The following CDC14A variants were observed in gnomAD, a reference collection of about 807,000 sequenced individuals.
CDC14A encodes the protein dual specificity protein phosphatase CDC14A.
In CDC14A, 53 loss-of-function variants were observed where a neutral mutation model predicts 74.4. The observed-to-expected ratio is 0.71, with a 90% CI of 0.57 to 0.89. CDC14A has a LOEUF of 0.89. Among genes scored for constraint, CDC14A ranks in the 40% least tolerant of loss-of-function variants. The probability of loss-of-function intolerance (pLI) is 0.00; values close to 1 mark genes in which losing one functional copy is unlikely to be tolerated. For missense variants in CDC14A, 646 were observed against 713.7 expected, an observed-to-expected ratio of 0.91 and a Z score of 1.08; for synonymous variants, 247 against 258.4, an observed-to-expected ratio of 0.96 and a Z score of 0.43.
At chr1:100,362,286 G>T (rs1652860857) in intron 2 of CDC14A, among the ~76,000 whole-genome samples, 1 of 151,826 alleles carries the variant, frequency 6.6e-6, no homozygotes, top group Non-Finnish European at 1.5e-5. Flanking sequence ...ATACTGAATT[G>T]TGAAATTCAT....
intron 3 of CDC14A, among the ~76,000 whole-genome samples, chr1:100,379,374 G>C (rs1285695402): frequency 6.6e-6 from 1 of 152,150 alleles, no homozygotes; most frequent in Non-Finnish European, 1.5e-5. Context: ...GTAATCTGTT[G>C]GTTGTCTGGA....
In CDC14A at chr1:100,499,162, G is replaced by GC. The variant is rs1648375091; in HGVS notation, c.1660dup (p.His554ProfsTer37). ...GGGGGCAACCTGAACAGCCCCCCAGGCCCCCACAGCGCCAAGACAGAGGAG... is the reference window on the plus strand; with the variant it reads ...GGGGGCAACCTGAACAGCCCCCCAGGCCCCCCACAGCGCCAAGACAGAGGAG... On this transcript the variant is annotated frameshift_variant, in exon 15 of 16. Coordinates refer to ENST00000336454, the MANE Select transcript of CDC14A (RefSeq NM_003672.4). LOFTEE classifies it high-confidence loss of function. The GC allele has an allele frequency of 1.2e-6, 2 of 1,614,076 alleles. No individual in the cohort carries two copies. Among genetic ancestry groups the GC allele is most frequent in the Non-Finnish European group, 1.7e-6 (2 of 1,180,018 alleles).
chr1:100,490,799 A>T (rs1484165819), intron 11 of CDC14A, among the ~76,000 whole-genome samples: 1 of 152,238 alleles, frequency 6.6e-6, no homozygotes, highest in Non-Finnish European at 1.5e-5. Flanking sequence ...AACATAAAAA[A>T]ATTCTACTTC....
intron 10 of CDC14A, among the ~76,000 whole-genome samples, chr1:100,482,056 T>C (rs1669538850): frequency 1.3e-5 from 2 of 152,206 alleles, no homozygotes; most frequent in Admixed American, 6.5e-5. Flanking sequence ...TCTTTAATAT[T>C]CAGGTTCAAA....
chr1:100,488,464 C>G (rs1273923402), intron 11 of CDC14A, among the ~76,000 whole-genome samples: 1 of 152,216 alleles, frequency 6.6e-6, no homozygotes, highest in Non-Finnish European at 1.5e-5. Context: ...TCTGCTAACT[C>G]TCTATGAGGT....
intron 9 of CDC14A, 44 bp downstream of exon 9, chr1:100,462,925 G>C: frequency 6.9e-7 from 1 of 1,444,582 alleles, no homozygotes; most frequent in Non-Finnish European, 9.7e-7. Flanking sequence ...TTATCGAAGG[G>C]GCGGGCCAAG....
chr1:100,454,691 A>T (rs1160768899), intron 7 of CDC14A, among the ~76,000 whole-genome samples: 1 of 152,202 alleles, frequency 6.6e-6, no homozygotes, highest in African/African-American at 2.4e-5. Context: ...AACCTAATTT[A>T]AAAAGTCAAC....
chr1:100,422,171 C>A (rs1662439379), intron 4 of CDC14A, among the ~76,000 whole-genome samples: 1 of 152,184 alleles, frequency 6.6e-6, no homozygotes, highest in Non-Finnish European at 1.5e-5. Context: ...AGTGTGAGAA[C>A]ATGGGCCATG....
chr1:100,479,448 T>C (rs531323792), intron 10 of CDC14A, among the ~76,000 whole-genome samples: 8 of 152,158 alleles, frequency 5.3e-5, no homozygotes, highest in Non-Finnish European at 8.8e-5. Flanking sequence ...TCTGTGAGTC[T>C]CCATAGTCCG....
intron 4 of CDC14A, among the ~76,000 whole-genome samples, chr1:100,409,905 CA>C (rs1660448008): frequency 1.3e-5 from 2 of 152,168 alleles, no homozygotes; most frequent in Admixed American, 1.3e-4. Context: ...ATATTCCCTT[CA>C]AAAATGTCTG....
intron 4 of CDC14A, among the ~76,000 whole-genome samples, chr1:100,422,361 A>G (rs955792256): frequency 1.3e-5 from 2 of 152,202 alleles, no homozygotes; most frequent in African/African-American, 4.8e-5. Context: ...GTTGTTGTCT[A>G]AGCTTTAATT....
chr1:100,370,832 TA>T (rs1256241153), intron 2 of CDC14A, among the ~76,000 whole-genome samples: 1 of 152,204 alleles, frequency 6.6e-6, no homozygotes, highest in Non-Finnish European at 1.5e-5. Flanking sequence ...GTTTTTTTTC[TA>T]ATTCTGTGAA....
intron 15 of CDC14A, among the ~76,000 whole-genome samples, chr1:100,507,614 G>T (rs1470696155): frequency 6.6e-6 from 1 of 150,764 alleles, no homozygotes; most frequent in Non-Finnish European, 1.5e-5. Flanking sequence ...TATCTTTTTG[G>T]ATATTGCTTT....
intron 15 of CDC14A, chr1:100,504,910 T>A: frequency 6.5e-7 from 1 of 1,529,450 alleles, no homozygotes; most frequent in South Asian, 1.2e-5. Flanking sequence ...ATATATTACC[T>A]CCCATGTCTT....
At chr1:100,475,434 C>CA (rs1401474230) in intron 10 of CDC14A, among the ~76,000 whole-genome samples, 6 of 152,116 alleles carry the variant, frequency 3.9e-5, no homozygotes, top group African/African-American at 1.4e-4. Flanking sequence ...CAGTCAATGT[C>CA]AATGTGAGAA....
At chr1:100,390,154 G>A (rs1329311980) in intron 3 of CDC14A, among the ~76,000 whole-genome samples, 3 of 152,104 alleles carry the variant, frequency 2.0e-5, no homozygotes, top group South Asian at 4.1e-4. Context: ...CTATTGTAAT[G>A]TGTTGTATTA....
At chr1:100,414,846 C>T (rs989865003) in intron 4 of CDC14A, among the ~76,000 whole-genome samples, 2 of 152,136 alleles carry the variant, frequency 1.3e-5, no homozygotes, top group African/African-American at 4.8e-5. Context: ...TTTGGGGCGA[C>T]ACATTTTCTC....
chr1:100,497,132 A>G (rs1021903549), intron 13 of CDC14A, among the ~76,000 whole-genome samples: 10 of 152,246 alleles, frequency 6.6e-5, no homozygotes, highest in Non-Finnish European at 1.3e-4. Context: ...ATGAGAATAT[A>G]TGATGAAACA....
intron 4 of CDC14A, among the ~76,000 whole-genome samples, chr1:100,408,137 A>T (rs576856894): frequency 6.6e-6 from 1 of 152,244 alleles, no homozygotes; most frequent in Non-Finnish European, 1.5e-5. Context: ...CTCATCGTTT[A>T]GTTCCAGCTT....
Sources: allele counts gnomAD v4.1 joint callset (sites outside exome capture counted in the v4.1 genomes callset), GRCh38; gene constraint gnomAD v4.1.1; transcripts MANE v1.5; gene names NCBI Gene and HGNC (gene_info 2026-07-23, HGNC 2026-07-21).